Variants in BABAM2 observed in about 807,000 individuals in gnomAD.
BABAM2 encodes BRISC and BRCA1-A complex member 2.
In BABAM2, 31 loss-of-function variants were observed where a neutral mutation model predicts 54.7. The observed-to-expected ratio is 0.57, with a 90% CI of 0.43 to 0.77. BABAM2 has a LOEUF of 0.77. BABAM2 is among the 30% of genes least tolerant of loss of function. BABAM2 has a pLI of 0.00. For synonymous variants in BABAM2, 167 were observed against 162.9 expected (o/e 1.03, Z -0.19); for missense variants, 364 against 455.8 (o/e 0.80, Z 1.83).
intron 6 of BABAM2, among the ~76,000 whole-genome samples, chr2:28,058,335 C>T (rs960549747): frequency 6.6e-5 from 10 of 151,852 alleles, no homozygotes; most frequent in Admixed American, 5.3e-4. Flanking sequence ...AAATTTTAAT[C>T]ATTATTTTTG....
chr2:28,125,334 G>C (rs954173735), intron 6 of BABAM2, among the ~76,000 whole-genome samples: 39 of 151,684 alleles, frequency 2.6e-4, no homozygotes, highest in African/African-American at 9.4e-4. Flanking sequence ...CACTCTGTCA[G>C]CCAGGCTGGA....
At chr2:27,953,512 G>T (rs917904808) in intron 3 of BABAM2, among the ~76,000 whole-genome samples, 29 of 151,936 alleles carry the variant, frequency 1.9e-4, no homozygotes, top group Middle Eastern at 6.8e-3. Context: ...GGCTGGTTTC[G>T]AATTCTTGGG....
At chr2:27,958,756 G>A (rs1305241021) in intron 3 of BABAM2, among the ~76,000 whole-genome samples, 1 of 152,010 alleles carries the variant, frequency 6.6e-6, no homozygotes, top group Non-Finnish European at 1.5e-5. Flanking sequence ...ACAGACAGAG[G>A]CTTGGCATTT....
chr2:27,977,851 A>G (rs921300352), intron 3 of BABAM2, among the ~76,000 whole-genome samples: 4 of 152,210 alleles, frequency 2.6e-5, no homozygotes, highest in Admixed American at 2.6e-4. Context: ...GTTGAAAGAT[A>G]GGTCACGAGA....
chr2:28,302,795 C>G (rs2148254015), intron 11 of BABAM2, among the ~76,000 whole-genome samples: 1 of 152,268 alleles, frequency 6.6e-6, no homozygotes, highest in South Asian at 2.1e-4. Context: ...AAAGTAAGAT[C>G]TCATGTTTTT....
chr2:27,998,402 GTT>G (rs779214309), intron 4 of BABAM2, among the ~76,000 whole-genome samples: 7 of 151,898 alleles, frequency 4.6e-5, no homozygotes, highest in Admixed American at 1.3e-4. Flanking sequence ...AATATTCACA[GTT>G]TAGTAGATTT....
At chr2:28,099,240 A>G (rs117992364) in intron 6 of BABAM2, among the ~76,000 whole-genome samples, 3 of 152,326 alleles carry the variant, frequency 2.0e-5, no homozygotes, top group East Asian at 3.9e-4. Context: ...TTCTGGCTGT[A>G]TAATGCCACC....
At chr2:28,090,887 T>A (rs1666102805) in intron 6 of BABAM2, among the ~76,000 whole-genome samples, 1 of 152,234 alleles carries the variant, frequency 6.6e-6, no homozygotes, top group Admixed American at 6.5e-5. Context: ...TTTCTCACCC[T>A]GAAAATTAGG....
At chr2:28,274,744 A>C (rs986580442) in intron 10 of BABAM2, among the ~76,000 whole-genome samples, 1 of 152,212 alleles carries the variant, frequency 6.6e-6, no homozygotes, top group Admixed American at 6.5e-5. Flanking sequence ...GGGAGAGCTG[A>C]GTGGTCAGAG....
chr2:28,020,830 G>A (rs988046087), intron 4 of BABAM2, among the ~76,000 whole-genome samples: 6 of 152,002 alleles, frequency 3.9e-5, no homozygotes, highest in African/African-American at 1.5e-4. Flanking sequence ...ATGACTCTAT[G>A]TGTATTTCTG....
intron 11 of BABAM2, among the ~76,000 whole-genome samples, chr2:28,321,615 T>A (rs185309640): frequency 1.3e-5 from 2 of 152,260 alleles, no homozygotes; most frequent in East Asian, 3.9e-4. Context: ...ATGCTCGAAA[T>A]TCCTTCCATG....
intron 7 of BABAM2, among the ~76,000 whole-genome samples, chr2:28,165,696 A>C (rs1673599131): frequency 6.6e-6 from 1 of 151,628 alleles, no homozygotes; most frequent in Admixed American, 6.6e-5. Context: ...CACCACACCC[A>C]GTTAATTTTT....
At position 28,057,652 on chromosome 2, in the gene BABAM2, A is replaced by C. The variant is rs554884766; in HGVS notation, c.570+11853A>C. Among the ~76,000 whole-genome samples, 3 of 152,318 alleles carry C rather than the reference A, an allele frequency of 2.0e-5. No homozygotes were observed. In the East Asian group the frequency reaches 5.8e-4, roughly 29 times the overall value. ...CATCAATCAGCAGACCTACAACTCA[A>C]ATAAAGGTAAAAGCTGATTAATGGT... On this transcript the variant is annotated intron_variant, in intron 6 of 11. Coordinates refer to ENST00000379624, the MANE Select transcript of BABAM2 (RefSeq NM_199191.3).
intron 10 of BABAM2, among the ~76,000 whole-genome samples, 184 bp downstream of exon 10, chr2:28,245,046 G>A (rs1232417692): frequency 2.6e-5 from 4 of 152,074 alleles, no homozygotes; most frequent in South Asian, 4.2e-4. Context: ...AACCACTGGA[G>A]CAATTTTGCA....
At chr2:28,133,134 T>C (rs1382992969) in intron 7 of BABAM2, among the ~76,000 whole-genome samples, 3 of 152,200 alleles carry the variant, frequency 2.0e-5, no homozygotes, top group Non-Finnish European at 4.4e-5. Context: ...AAACTTGGGG[T>C]ATGACTTCTA....
chr2:28,072,479 G>A (rs573278255), intron 6 of BABAM2, among the ~76,000 whole-genome samples: 9 of 151,938 alleles, frequency 5.9e-5, no homozygotes, highest in African/African-American at 1.4e-4. Flanking sequence ...TCCGCTTCCC[G>A]GGTTCATGCC....
intron 6 of BABAM2, among the ~76,000 whole-genome samples, chr2:28,112,965 G>C (rs1375401398): frequency 6.6e-6 from 1 of 152,156 alleles, no homozygotes; most frequent in African/African-American, 2.4e-5. Context: ...GTGATGATGA[G>C]CTTTTTTCAT....
At chr2:28,120,100 C>G (rs1358015361) in intron 6 of BABAM2, among the ~76,000 whole-genome samples, 1 of 152,170 alleles carries the variant, frequency 6.6e-6, no homozygotes, top group Non-Finnish European at 1.5e-5. Flanking sequence ...GGCACAGTGA[C>G]TTCTATAGCC....
chr2:28,211,909 G>T (rs1405654379), intron 7 of BABAM2, among the ~76,000 whole-genome samples: 1 of 151,984 alleles, frequency 6.6e-6, no homozygotes, highest in Non-Finnish European at 1.5e-5. Context: ...TTCCTCATTT[G>T]TCTCAAGTGT....
Sources: gnomAD v4.1 joint callset for allele counts (sites outside exome capture counted in the v4.1 genomes callset) on GRCh38, gnomAD v4.1.1 for gene constraint, MANE v1.5 for transcripts, NCBI Gene and HGNC (gene_info 2026-07-23, HGNC 2026-07-21) for gene names.